Variants in ACCSL observed in about 807,000 individuals in gnomAD.
The protein encoded by ACCSL is 1-aminocyclopropane-1-carboxylate synthase homolog (inactive) like, also known as probable inactive 1-aminocyclopropane-1-carboxylate synthase-like protein 2.
A neutral mutation model predicts 61.7 loss-of-function variants in ACCSL; 55 were observed. The observed-to-expected ratio is 0.89, with a 90% CI of 0.72 to 1.12. The LOEUF (loss-of-function observed/expected upper bound fraction) is 1.12. ACCSL is among the 50% of genes most tolerant of loss of function. ACCSL has a pLI of 0.00. For missense variants in ACCSL, 632 were observed against 698.0 expected (o/e 0.91, Z 1.07); for synonymous variants, 258 against 264.3 (o/e 0.98, Z 0.23).
the ACCSL span, among the ~76,000 whole-genome samples, chr11:43,974,271 C>A: frequency 6.6e-6 from 1 of 152,094 alleles, no homozygotes; most frequent in Non-Finnish European, 1.5e-5. Context: ...CCTTCTGGAG[C>A]CTTTGAGGGA....
At chr11:43,961,085 C>T in the ACCSL span, among the ~76,000 whole-genome samples, 19 of 152,066 alleles carry the variant, frequency 1.2e-4, no homozygotes, top group South Asian at 6.2e-4. Flanking sequence ...CCTTCCAAAG[C>T]GCTGGGATTA....
the ACCSL span, among the ~76,000 whole-genome samples, chr11:44,019,944 G>T: frequency 6.6e-6 from 1 of 152,186 alleles, no homozygotes; most frequent in Non-Finnish European, 1.5e-5. Flanking sequence ...TAAGGTAGGG[G>T]TCTAATTCCA....
the ACCSL span, among the ~76,000 whole-genome samples, chr11:43,939,006 G>A: frequency 6.6e-6 from 1 of 152,174 alleles, no homozygotes; most frequent in Non-Finnish European, 1.5e-5. Flanking sequence ...AAAACCAGTT[G>A]GCTTTTTCAA....
Position 44,058,376 on chromosome 11 carries a change from T to C in ACCSL, c.1387T>C (p.Tyr463His). ...NCYRLREAHK[Y>H]ITAELKALEI... is the part of the protein sequence containing the mutation. ...CTACCGGCTCCGGGAAGCTCACAAG[T>C]ACATCACTGCTGAGCTGAAGGCATT... is the stretch of plus-strand genomic sequence containing the variant. Residue 463 changes from tyrosine to histidine, a missense_variant, in exon 12 of 14, where the codon TAC (tyrosine) becomes CAC (histidine). By Grantham distance (83) the Tyr-to-His change is moderately conservative. Transcript: ENST00000378832. 6.2e-7 allele frequency: 1 copy of C among 1,614,118 alleles called. No homozygotes were observed. The highest frequency in any genetic ancestry group is 8.5e-7 in the Non-Finnish European group (1 of 1,180,018).
Position 44,047,982 on chromosome 11 carries a change from C to G in ACCSL, c.-55C>G, listed in dbSNP as rs909330682. The G allele has an allele frequency of 6.4e-7, 1 of 1,563,580 alleles. No individual in the cohort carries two copies. The highest frequency in any genetic ancestry group is 1.4e-5 in the African/African-American group (1 of 73,842). On this transcript the variant is annotated 5_prime_UTR_variant, in exon 1 of 14. Coordinates refer to ENST00000378832, the MANE Select transcript of ACCSL (RefSeq NM_001031854.2). ...CCTCCTTTGCTCCATTGTCAATGGT[C>G]TCTTTCTCCATAGGTGCCAGGCAGC... is the stretch of plus-strand genomic sequence containing the variant.
the ACCSL span, among the ~76,000 whole-genome samples, chr11:43,947,733 C>T: frequency 2.1e-5 from 2 of 93,772 alleles, no homozygotes; most frequent in Admixed American, 1.3e-4. Context: ...GACACTGAGA[C>T]AGTGAAAGAG....
In ACCSL at chr11:44,051,332, C is replaced by T. The variant is rs373052050; in HGVS notation, c.636-3C>T. ...CACAAGGTCTCTCTGGGTCTGTTTA[C>T]AGCCTGCGGGAAGAAGTGGCCCGGT... On this transcript the variant is annotated splice_polypyrimidine_tract_variant and splice_region_variant and intron_variant, in intron 3 of 13. Coordinates refer to ENST00000378832, the MANE Select transcript of ACCSL (RefSeq NM_001031854.2). 132 of 1,614,206 alleles carry T rather than the reference C, an allele frequency of 8.2e-5. No homozygotes were observed. In the African/African-American group the frequency reaches 1.5e-3, roughly 19 times the overall value.
the ACCSL span, among the ~76,000 whole-genome samples, chr11:43,929,297 G>A: frequency 7.9e-5 from 12 of 152,320 alleles, no homozygotes; most frequent in African/African-American, 2.9e-4. Context: ...ATGGCTCACT[G>A]CAGCCTTAAT....
At chr11:43,969,672 G>T in the ACCSL span, among the ~76,000 whole-genome samples, 2 of 152,066 alleles carry the variant, frequency 1.3e-5, no homozygotes, top group African/African-American at 4.8e-5. Context: ...TGACTTCGCA[G>T]AGCCTGCCAG....
At chr11:43,995,387 G>A in the ACCSL span, 1 of 152,242 alleles carries the variant, frequency 6.6e-6, no homozygotes, top group East Asian at 1.9e-4. Context: ...GCAGTTGGCA[G>A]TCGACGCACA....
chr11:44,011,326 T>C, the ACCSL span, among the ~76,000 whole-genome samples: 69 of 152,324 alleles, frequency 4.5e-4, no homozygotes, highest in African/African-American at 1.6e-3. Context: ...TGGTCCTAGC[T>C]ATGGATTTAT....
At chr11:43,988,809 T>C in the ACCSL span, among the ~76,000 whole-genome samples, 2 of 39,074 alleles carry the variant, frequency 5.1e-5, no homozygotes, top group Admixed American at 2.9e-4. Context: ...CTCTCTTCTT[T>C]TTTTTTTTTT....
chr11:43,947,692 GA>G, the ACCSL span, among the ~76,000 whole-genome samples: 2,715 of 152,118 alleles, frequency 0.018, 87 homozygotes, highest in African/African-American at 0.062. Flanking sequence ...TTGAGAGACA[GA>G]AGGATAAAGG....
chr11:43,942,500 T>C, the ACCSL span: 2 of 226,048 alleles, frequency 8.8e-6, no homozygotes, highest in South Asian at 4.0e-5. Flanking sequence ...GGCCGTTACT[T>C]TCCCAGAGCG....
chr11:43,927,658 C>G, the ACCSL span, among the ~76,000 whole-genome samples: 2 of 152,194 alleles, frequency 1.3e-5, no homozygotes, highest in East Asian at 3.9e-4. Flanking sequence ...GTCGCTGGCC[C>G]AGATCCGGAA....
chr11:43,926,444 ACT>A, the ACCSL span: 5 of 452,948 alleles, frequency 1.1e-5, no homozygotes, highest in South Asian at 6.3e-5. Context: ...CCACTTTCAA[ACT>A]CTGTACAGAA....
At chr11:43,944,685 A>C in the ACCSL span, 1 of 152,318 alleles carries the variant, frequency 6.6e-6, no homozygotes, top group African/African-American at 2.4e-5. Flanking sequence ...GCACCGCAGG[A>C]GTTTGTCTTT....
chr11:43,989,683 C>T, the ACCSL span, among the ~76,000 whole-genome samples: 1 of 152,224 alleles, frequency 6.6e-6, no homozygotes, highest in Non-Finnish European at 1.5e-5. Flanking sequence ...GGATTTGGGG[C>T]AGAGGACTTT....
At chr11:43,949,160 A>G in the ACCSL span, among the ~76,000 whole-genome samples, 8,469 of 152,054 alleles carry the variant, frequency 0.056, 365 homozygotes, top group East Asian at 0.11. Flanking sequence ...CGCACATTTC[A>G]TCCCATCATG....
Sources: gnomAD v4.1 joint callset for allele counts (sites outside exome capture counted in the v4.1 genomes callset) on GRCh38, gnomAD v4.1.1 for gene constraint, MANE v1.5 for transcripts, NCBI Gene and HGNC (gene_info 2026-07-23, HGNC 2026-07-21) for gene names.